Variants in ING1 observed in about 807,000 individuals in gnomAD.
The protein encoded by ING1 is inhibitor of growth family member 1, also known as inhibitor of growth protein 1.
Under a neutral mutation model 23.1 loss-of-function variants are expected in ING1, and 4 were observed. The observed-to-expected ratio is 0.17, with a 90% CI of 0.09 to 0.40. The LOEUF (loss-of-function observed/expected upper bound fraction) is 0.40. Ranked by LOEUF, ING1 falls within the 10% of genes least tolerant of loss-of-function variation. The pLI is 1.00. For missense variants in ING1, 256 were observed against 393.8 expected, an observed-to-expected ratio of 0.65 and a Z score of 2.96; for synonymous variants, 179 against 166.4, an observed-to-expected ratio of 1.08 and a Z score of -0.58.
At position 110,713,861 on chromosome 13, in the gene ING1, G is replaced by T; in HGVS notation, c.-289G>T. ...CCGGTGTGTGCGCGCTCGTACGCGC[G>T]GCCCCCGGCGCCAGCCCCGCCGCCT... On this transcript the variant is annotated 5_prime_UTR_variant, in exon 1 of 2. Coordinates refer to ENST00000333219, the MANE Select transcript of ING1 (RefSeq NM_198219.3). 1 of 981,744 alleles carries T rather than the reference G, an allele frequency of 1.0e-6. No individual in the cohort carries two copies. The highest frequency in any genetic ancestry group is 1.1e-4 in the East Asian group (1 of 8,706). The allele number at this position is 981,744 out of a possible 1,614,324, so 60.8% of individuals were successfully genotyped here.
chr13:110,717,958 TTAAG>T (rs374317937), intron 1 of ING1, among the ~76,000 whole-genome samples: 70 of 152,366 alleles, frequency 4.6e-4, no homozygotes, highest in South Asian at 2.3e-3. Context: ...TTCTGTGTAT[TTAAG>T]TAGCCTTTTT....
At chr13:110,713,586 G>T (rs1358824871), upstream of ING1, 4 of 985,748 alleles carry the variant, frequency 4.1e-6, no homozygotes, top group Non-Finnish European at 4.8e-6. Context: ...GGCCTGGGAC[G>T]GTGAGGGGCG....
chr13:110,713,052 T>G (rs892604596), upstream of ING1: 22 of 1,466,728 alleles, frequency 1.5e-5, no homozygotes, highest in Non-Finnish European at 2.0e-5. Flanking sequence ...CGCCGCCACT[T>G]CCGCCCGTGC....
intron 1 of ING1, chr13:110,716,067 G>A (rs2064120195): frequency 2.0e-6 from 3 of 1,466,132 alleles, no homozygotes; most frequent in Non-Finnish European, 8.9e-7. Flanking sequence ...TTTTCTGGAA[G>A]GTGCTGTCCT....
intron 1 of ING1, chr13:110,714,905 G>A (rs2139966892): frequency 1.1e-6 from 1 of 892,736 alleles, no homozygotes. Context: ...ACTGCGAGGG[G>A]CGACGCCGCC....
In ING1 at chr13:110,720,745, G is replaced by A. The variant is rs1372499517; in HGVS notation, c.*813G>A. 6.0e-6 allele frequency: 1 copy of A among 167,102 alleles called. No homozygotes were observed. The highest frequency in any genetic ancestry group is 2.4e-5 in the African/African-American group (1 of 41,462). The allele number at this position is 167,102 out of a possible 1,614,324, so 10.4% of individuals were successfully genotyped here. On this transcript the variant is annotated 3_prime_UTR_variant, in exon 2 of 2. Transcript: ENST00000333219. ...TATGTGAGCTGTAAAAATGTTACGT[G>A]AAGAAATAAATGAAACTTGGCCAGT...
At chr13:110,715,334 A>C (rs1211709484) in intron 1 of ING1, 5 of 1,450,720 alleles carry the variant, frequency 3.4e-6, no homozygotes, top group South Asian at 1.5e-5. Flanking sequence ...CTCTGCCGGG[A>C]AGGCGCCCCT....
rs4773242 is a variant in ING1, at chr13:110,720,045, T to A, written c.*113T>A. On this transcript the variant is annotated 3_prime_UTR_variant, in exon 2 of 2. Transcript: ENST00000333219. ...AATGTATATTTTTAAAGAATGTTAGTAAAGGAACCATTCCTTTCATAGGGA... is the reference window on the plus strand; with the variant it reads ...AATGTATATTTTTAAAGAATGTTAGAAAAGGAACCATTCCTTTCATAGGGA... 795,531 of 797,540 alleles carry A rather than the reference T, an allele frequency of 1. 396,787 individuals carry two copies. The highest frequency in any genetic ancestry group is 1 in the East Asian group (34,272 of 34,272). 49.4% of individuals were successfully genotyped at this position (797,540 alleles called of 1,614,324 possible). A position where few individuals can be genotyped will look rare whatever the true frequency, so the allele number is the denominator to read the frequency against.
At chr13:110,713,612 GCGGGGCCGTTGCCGGGGGAGGGGGC>G (rs886325459), upstream of ING1, 20 of 985,520 alleles carry the variant, frequency 2.0e-5, no homozygotes, top group African/African-American at 1.4e-4. Context: ...GCGGCGGGGG[GCGGGGCCGTTGCCGGGGGAGGGGGC>G]CGGGGCGCAT....
intron 1 of ING1, among the ~76,000 whole-genome samples, chr13:110,717,751 T>A (rs1416233968): frequency 6.6e-6 from 1 of 152,136 alleles, no homozygotes; most frequent in Non-Finnish European, 1.5e-5. Context: ...CGCTTGAACC[T>A]GGGAGGCAGG....
At chr13:110,715,416 C>A in intron 1 of ING1, 2 of 1,542,522 alleles carry the variant, frequency 1.3e-6, no homozygotes, top group Non-Finnish European at 1.7e-6. Context: ...TGGAACGTCC[C>A]GCCTCAGCCC....
At chr13:110,714,824 C>T (rs1263057994) in intron 1 of ING1, among the ~76,000 whole-genome samples, 1 of 152,296 alleles carries the variant, frequency 6.6e-6, no homozygotes, top group Non-Finnish European at 1.5e-5. Flanking sequence ...GTACTCCGCT[C>T]GGGGTAGGTC....
At chr13:110,714,948 CTG>C in intron 1 of ING1, 3 of 981,068 alleles carry the variant, frequency 3.1e-6, no homozygotes, top group South Asian at 4.6e-5. Flanking sequence ...GGGCTTTTCT[CTG>C]TGTGCCGTAG....
chr13:110,712,813 C>T (rs1287477662), upstream of ING1: 12 of 829,640 alleles, frequency 1.4e-5, no homozygotes, highest in East Asian at 2.6e-5. Flanking sequence ...CTATCCACCT[C>T]TTCTGGGGCT....
intron 1 of ING1, chr13:110,716,131 A>G (rs952467780): frequency 9.8e-7 from 1 of 1,018,574 alleles, no homozygotes; most frequent in Non-Finnish European, 1.3e-6. Flanking sequence ...GAAGGAAGGC[A>G]GGGGCTGAGA....
In ING1 at chr13:110,721,240, C is replaced by T. The variant is rs1397159892; in HGVS notation, c.*1308C>T. On this transcript the variant is annotated 3_prime_UTR_variant, in exon 2 of 2. Transcript: ENST00000333219. ...AGACTAGCATCTAACATTGATTTGC[C>T]CACATATTGAAAGGGTCAGTGGAGT... is the stretch of plus-strand genomic sequence containing the variant. 6.5e-6 allele frequency: 1 copy of T among 153,776 alleles called. No individual in the cohort carries two copies. Among genetic ancestry groups the T allele is most frequent in the East Asian group, 1.9e-4 (1 of 5,206 alleles). The allele number at this position is 153,776 out of a possible 1,614,324, so 9.5% of individuals were successfully genotyped here.
intron 1 of ING1, chr13:110,716,119 C>T: frequency 8.6e-7 from 1 of 1,167,628 alleles, no homozygotes; most frequent in Non-Finnish European, 1.1e-6. Context: ...GGGCTCCGGA[C>T]GGAAGGAAGG....
chr13:110,720,079 A>C lies in ING1; in HGVS notation c.*147A>C. The C allele has an allele frequency of 1.6e-6, 1 of 627,018 alleles. No individual in the cohort carries two copies. The highest frequency in any genetic ancestry group is 1.9e-5 in the African/African-American group (1 of 52,406). 38.8% of individuals were successfully genotyped at this position (627,018 alleles called of 1,614,324 possible). ...CATTCCTTTCATAGGGATGGCAGTG[A>C]TTCTGTTTGCCTTTTGTTTTCATTG... On this transcript the variant is annotated 3_prime_UTR_variant, in exon 2 of 2. Transcript: ENST00000333219.
At chr13:110,713,305 T>G, upstream of ING1, 1 of 1,211,470 alleles carries the variant, frequency 8.3e-7, no homozygotes, top group Non-Finnish European at 1.0e-6. Context: ...CTGTGTACCA[T>G]GGTCTCGGAG....
Sources: gnomAD v4.1 joint callset for allele counts (sites outside exome capture counted in the v4.1 genomes callset) on GRCh38, gnomAD v4.1.1 for gene constraint, MANE v1.5 for transcripts, NCBI Gene and HGNC (gene_info 2026-07-23, HGNC 2026-07-21) for gene names.